Variants in PKN3 observed in about 807,000 individuals in gnomAD.
The protein encoded by PKN3 is serine/threonine-protein kinase N3.
In PKN3, 91 loss-of-function variants were observed where a neutral mutation model predicts 113.1. That is an observed-to-expected ratio of 0.80 (90% confidence interval 0.68 to 0.96). The LOEUF (loss-of-function observed/expected upper bound fraction) is 0.96, where lower values mean the gene tolerates loss of function less well. PKN3 is among the 40% of genes least tolerant of loss of function. PKN3 has a pLI of 0.00. For synonymous variants in PKN3, 467 were observed against 499.0 expected (o/e 0.94, Z 0.85); for missense variants, 1,052 against 1,202.2 (o/e 0.88, Z 1.85).
chr9:128,703,033 C>G (rs1861900721), intron 1 of PKN3, 94 bp downstream of exon 1: 1 of 856,910 alleles, frequency 1.2e-6, no homozygotes, highest in African/African-American at 1.8e-5. Context: ...TTCCCCCGAT[C>G]CTCCCCTCAC....
At chr9:128,714,164 G>A (rs1862266235) in intron 10 of PKN3, 33 bp from the exon 11 acceptor site, 1 of 1,614,060 alleles carries the variant, frequency 6.2e-7, no homozygotes, top group Non-Finnish European at 8.5e-7. Flanking sequence ...GCAGGGCTGG[G>A]GTCCCGGGAC....
At chr9:128,706,669 G>A in intron 3 of PKN3, 44 bp from the exon 4 acceptor site, 1 of 1,389,564 alleles carries the variant, frequency 7.2e-7, no homozygotes, top group Non-Finnish European at 9.6e-7. Flanking sequence ...GGGGGAAGCT[G>A]TGGCCCAGGC....
At chr9:128,703,981 C>T (rs1861931350) in intron 1 of PKN3, 2 of 985,460 alleles carry the variant, frequency 2.0e-6, no homozygotes, top group South Asian at 4.7e-5. Flanking sequence ...GGCCCTGTGG[C>T]CTAGGGCGGT....
intron 3 of PKN3, among the ~76,000 whole-genome samples, chr9:128,706,380 G>C (rs558305932): frequency 6.6e-6 from 1 of 150,790 alleles, no homozygotes; most frequent in East Asian, 2.0e-4. Context: ...TCTGATGGGG[G>C]AGGCATGACC....
chr9:128,714,556 C>A lies in PKN3; in HGVS notation c.1482-6C>A. 8.4e-7 allele frequency: 1 copy of A among 1,186,396 alleles called. No homozygotes were observed. Among genetic ancestry groups the A allele is most frequent in the Non-Finnish European group, 1.3e-6 (1 of 789,258 alleles). The allele number at this position is 1,186,396 out of a possible 1,614,324, so 73.5% of individuals were successfully genotyped here. A position where few individuals can be genotyped will look rare whatever the true frequency, so the allele number is the denominator to read the frequency against. ...GCTGGGCACTGTGTCTACTTTCTCC[C>A]TACAGTAATTTCCTGCCCAAGAAGA... On this transcript the variant is annotated splice_region_variant and splice_polypyrimidine_tract_variant and intron_variant, in intron 11 of 21. Transcript: ENST00000291906.
chr9:128,717,113 G>GTTTTTTTTTTTTTT (rs1554781180), intron 16 of PKN3, among the ~76,000 whole-genome samples, 190 bp downstream of exon 16: 8 of 14,440 alleles, frequency 5.5e-4, no homozygotes, highest in Non-Finnish European at 9.9e-4. Context: ...TGTGCATTAG[G>GTTTTTTTTTTTTTT]TTTCTTTTTT....
intron 5 of PKN3, 72 bp from the exon 6 acceptor site, chr9:128,707,150 C>A: frequency 6.3e-7 from 1 of 1,578,046 alleles, no homozygotes; most frequent in Non-Finnish European, 8.7e-7. Context: ...CGGAAGGTGG[C>A]TCCGGGTGAC....
chr9:128,707,246 T>C lies in PKN3; in HGVS notation c.676T>C (p.Ser226Pro). 1 of 1,610,642 alleles carries C rather than the reference T, an allele frequency of 6.2e-7. No individual in the cohort carries two copies. The highest frequency in any genetic ancestry group is 8.5e-7 in the Non-Finnish European group (1 of 1,177,502). ...GGCCCAGGCCCAGCTACAGGAGTCC[T>C]CTCAGAAACTGGACCTCCTGCGCCT... The part of the protein sequence containing the change: ...AEAQAQLQES[S>P]QKLDLLRLAL... The change falls in exon 6 of 22, where the codon TCT (serine) becomes CCT (proline). Residue 226 changes from serine to proline, a missense_variant. This residue lies in a region of PKN3 where 719 missense variants were observed against 759.4 expected (regional missense o/e 0.95). Transcript: ENST00000291906.
intron 3 of PKN3, 114 bp from the exon 4 acceptor site, chr9:128,706,599 A>G (rs1862025211): frequency 2.6e-6 from 2 of 783,548 alleles, no homozygotes; most frequent in South Asian, 1.9e-5. Flanking sequence ...TGTTTGGCCT[A>G]GAGGTTTCAC....
intron 6 of PKN3, 105 bp downstream of exon 6, chr9:128,707,510 G>A: frequency 1.4e-5 from 13 of 901,642 alleles, no homozygotes; most frequent in Non-Finnish European, 2.0e-5. Context: ...TCCTGCCCCA[G>A]CACCCACTAG....
intron 6 of PKN3, among the ~76,000 whole-genome samples, chr9:128,710,407 A>C (rs896211083): frequency 6.6e-6 from 1 of 151,962 alleles, no homozygotes; most frequent in African/African-American, 2.4e-5. Flanking sequence ...GACTGACCCC[A>C]TTCCATTGTG....
rs527456886 is a variant in PKN3 at position 128,720,838 on chromosome 9, A to G, written c.*232A>G. 1.4e-4 allele frequency: 86 copies of G among 596,326 alleles called. No individual in the cohort carries two copies. Among genetic ancestry groups the G allele is most frequent in the Non-Finnish European group, 2.1e-4 (72 of 336,134 alleles). 36.9% of individuals were successfully genotyped at this position (596,326 alleles called of 1,614,324 possible). ...TCTACCTCCCAGCGAGACCTGGCCC[A>G]GAAAGGGTGCCGCAGCAAGGAGTGA... is the stretch of plus-strand genomic sequence containing the variant. On this transcript the variant is annotated 3_prime_UTR_variant, in exon 22 of 22. Coordinates refer to ENST00000291906, the MANE Select transcript of PKN3 (RefSeq NM_013355.5). The surrounding 1 kb of genome is among the most constrained non-coding windows in gnomAD (Gnocchi z 5.5).
At chr9:128,713,012 G>A in intron 6 of PKN3, 40 bp from the exon 7 acceptor site, 1 of 1,556,146 alleles carries the variant, frequency 6.4e-7, no homozygotes, top group Non-Finnish European at 8.7e-7. Context: ...GCAGTGGGAA[G>A]ATGGCATCTG....
At chr9:128,713,751 A>G (rs923446192) in intron 9 of PKN3, 109 bp downstream of exon 9, 19 of 1,173,878 alleles carry the variant, frequency 1.6e-5, no homozygotes, top group Admixed American at 8.7e-5. Flanking sequence ...ACGACCAGAG[A>G]GGAGGGCTCC....
At position 128,703,448 on chromosome 9, in the gene PKN3, G is replaced by A. The variant is rs1861914953; in HGVS notation, c.24+509G>A. The A allele has an allele frequency of 1.6e-5, 16 of 985,184 alleles. No individual in the cohort carries two copies. The South Asian group carries it at 6.6e-4, about 40-fold the overall frequency. The allele number at this position is 985,184 out of a possible 1,614,324, so 61.0% of individuals were successfully genotyped here. On this transcript the variant is annotated intron_variant, in intron 1 of 21. Transcript: ENST00000291906. ...AGATGAGAGGGGAGCGGCCTCCCCC[G>A]CCCCAGGGCGGGAACCTTTGGGTAC...
intron 6 of PKN3, among the ~76,000 whole-genome samples, chr9:128,710,203 C>T (rs1862137049): frequency 6.6e-6 from 1 of 151,646 alleles, no homozygotes; most frequent in African/African-American, 2.4e-5. Context: ...AGTGCTGGGA[C>T]AGGTGTGAGC....
chr9:128,706,699 C>A lies in PKN3; in HGVS notation c.412-14C>A. 2.0e-6 allele frequency: 3 copies of A among 1,533,236 alleles called. No individual in the cohort carries two copies. The highest frequency in any genetic ancestry group is 1.3e-5 in the South Asian group (1 of 79,794). 95.0% of individuals were successfully genotyped at this position (1,533,236 alleles called of 1,614,324 possible). A position where few individuals can be genotyped will look rare whatever the true frequency, so the allele number is the denominator to read the frequency against. On this transcript the variant is annotated splice_polypyrimidine_tract_variant and intron_variant, in intron 3 of 21. Coordinates refer to ENST00000291906, the MANE Select transcript of PKN3 (RefSeq NM_013355.5). ...CCAGGCCTGGTCTGATGGGCCTGTG[C>A]TATGGCTCCATAGGAGAGGAAGCTC...
rs1862321971 is a variant in PKN3, at chr9:128,715,839, C to A, written c.1808+379C>A. On this transcript the variant is annotated intron_variant, in intron 15 of 21. Coordinates refer to ENST00000291906, the MANE Select transcript of PKN3 (RefSeq NM_013355.5). This position sits in a 1 kb window ranked among gnomAD's most constrained non-coding sequence, Gnocchi z 4.1. ...GACCAATCTGAATCACATGGTGAAA[C>A]CCCATCTATAAAAAATAGCCAGACA... Among the ~76,000 whole-genome samples the A allele has an allele frequency of 3.3e-5, 5 of 151,946 alleles. No individual in the cohort carries two copies.
chr9:128,718,538 CT>C lies in PKN3; in HGVS notation c.2049-9del. ...CCACTCAGTCCCTTTGATCTGCACC[CT>C]TGCCCTCAGGGACCTGAAGTTGGAT... On this transcript the variant is annotated splice_polypyrimidine_tract_variant and intron_variant, in intron 17 of 21. Transcript: ENST00000291906. 1 of 1,613,700 alleles carries C rather than the reference CT, an allele frequency of 6.2e-7. No homozygotes were observed. Among genetic ancestry groups the C allele is most frequent in the South Asian group, 1.1e-5 (1 of 91,076 alleles).
Sources: allele counts gnomAD v4.1 joint callset (sites outside exome capture counted in the v4.1 genomes callset), GRCh38; gene constraint gnomAD v4.1.1; regional missense constraint gnomAD v4.1.1; non-coding constraint Gnocchi (gnomAD v3.1); transcripts MANE v1.5; gene names NCBI Gene and HGNC (gene_info 2026-07-23, HGNC 2026-07-21).